The following NELL1 variants were observed in gnomAD, a reference collection of about 807,000 sequenced individuals.
The protein encoded by NELL1 is protein kinase C-binding protein NELL1.
A neutral mutation model predicts 107.4 loss-of-function variants in NELL1; 76 were observed. The observed-to-expected ratio is 0.71, with a 90% CI of 0.59 to 0.86. The LOEUF (loss-of-function observed/expected upper bound fraction) is 0.86, where lower values mean the gene tolerates loss of function less well. Among genes scored for constraint, NELL1 ranks in the 40% least tolerant of loss-of-function variants. The pLI is 0.00. For synonymous variants in NELL1, 353 were observed against 341.2 expected (o/e 1.03, Z -0.38); for missense variants, 1,024 against 1,005.5 (o/e 1.02, Z -0.25).
At chr11:20,831,485 A>C (rs1858007988) in intron 3 of NELL1, among the ~76,000 whole-genome samples, 1 of 152,218 alleles carries the variant, frequency 6.6e-6, no homozygotes, top group Non-Finnish European at 1.5e-5. Flanking sequence ...AAGCTCTTTC[A>C]GCTCTTAGTG....
chr11:20,857,624 G>A (rs561227134), intron 4 of NELL1, among the ~76,000 whole-genome samples: 1 of 152,344 alleles, frequency 6.6e-6, no homozygotes, highest in East Asian at 1.9e-4. Context: ...CACCGGCAGA[G>A]TTGGATGGGT....
chr11:20,953,904 T>C (rs926865105), intron 11 of NELL1, among the ~76,000 whole-genome samples: 2 of 152,226 alleles, frequency 1.3e-5, no homozygotes, highest in African/African-American at 4.8e-5. Flanking sequence ...GAATGTAGGA[T>C]GAATGCGGAC....
At chr11:21,367,663 G>A (rs1004441560) in intron 14 of NELL1, among the ~76,000 whole-genome samples, 1 of 152,046 alleles carries the variant, frequency 6.6e-6, no homozygotes, top group Non-Finnish European at 1.5e-5. Context: ...GCCTTATGCT[G>A]TGTGGGTATA....
At chr11:21,203,246 G>T (rs1163271561) in intron 13 of NELL1, among the ~76,000 whole-genome samples, 1 of 152,116 alleles carries the variant, frequency 6.6e-6, no homozygotes, top group Non-Finnish European at 1.5e-5. Flanking sequence ...CTATTATTGG[G>T]TGGGAGTCTA....
intron 2 of NELL1, among the ~76,000 whole-genome samples, chr11:20,725,388 A>G (rs1051303337): frequency 1.3e-5 from 2 of 152,200 alleles, no homozygotes; most frequent in African/African-American, 4.8e-5. Context: ...GTAGGTGAGG[A>G]ACCATCAGAG....
At chr11:20,676,972 G>T (rs957003062) in intron 1 of NELL1, among the ~76,000 whole-genome samples, 1 of 152,182 alleles carries the variant, frequency 6.6e-6, no homozygotes, top group Non-Finnish European at 1.5e-5. Context: ...ACATATAGTT[G>T]GAAATCACTT....
chr11:20,858,992 T>C (rs998332675), intron 4 of NELL1, among the ~76,000 whole-genome samples: 1 of 152,178 alleles, frequency 6.6e-6, no homozygotes, highest in African/African-American at 2.4e-5. Context: ...AGATGAAAAA[T>C]TAGCCTGCAT....
chr11:20,844,241 C>G (rs1848667422), intron 3 of NELL1, among the ~76,000 whole-genome samples: 1 of 152,122 alleles, frequency 6.6e-6, no homozygotes, highest in South Asian at 2.1e-4. Flanking sequence ...AGGAAGAAGG[C>G]AGAATCCTTG....
chr11:20,784,420 G>A (rs1856913612), intron 3 of NELL1, among the ~76,000 whole-genome samples: 1 of 152,206 alleles, frequency 6.6e-6, no homozygotes, highest in African/African-American at 2.4e-5. Context: ...ATGCGAAGGA[G>A]TAAGGGATGG....
At chr11:20,755,094 C>G (rs1047773827) in intron 2 of NELL1, among the ~76,000 whole-genome samples, 1 of 152,290 alleles carries the variant, frequency 6.6e-6, no homozygotes, top group Non-Finnish European at 1.5e-5. Context: ...CGTTTCTGCT[C>G]CCTCCTTTTC....
chr11:20,952,176 G>A (rs1851082455), intron 11 of NELL1, among the ~76,000 whole-genome samples: 1 of 152,086 alleles, frequency 6.6e-6, no homozygotes, highest in East Asian at 1.9e-4. Flanking sequence ...TATTCCCCTG[G>A]TAATCAGCTC....
At chr11:21,481,679 G>A (rs1469028379) in intron 15 of NELL1, among the ~76,000 whole-genome samples, 1 of 152,206 alleles carries the variant, frequency 6.6e-6, no homozygotes, top group Non-Finnish European at 1.5e-5. Context: ...ACATTGTTGA[G>A]ACTGCTGTGC....
At chr11:20,962,854 T>C (rs937120628) in intron 12 of NELL1, among the ~76,000 whole-genome samples, 1 of 152,152 alleles carries the variant, frequency 6.6e-6, no homozygotes, top group Non-Finnish European at 1.5e-5. Flanking sequence ...AGACTTTCCA[T>C]AAGCTCCAGG....
At chr11:20,811,426 A>AT (rs546548158) in intron 3 of NELL1, among the ~76,000 whole-genome samples, 26 of 151,734 alleles carry the variant, frequency 1.7e-4, no homozygotes, top group African/African-American at 6.3e-4. Flanking sequence ...GCTATTTGAG[A>AT]TTTTTTGAGG....
At chr11:20,928,285 T>C (rs1261679155) in intron 8 of NELL1, 92 bp from the exon 9 acceptor site, 1 of 1,139,476 alleles carries the variant, frequency 8.8e-7, no homozygotes, top group East Asian at 2.4e-5. Context: ...GTTTCCCTGA[T>C]GAGGTTTCTG....
chr11:20,921,970 G>C (rs886724438), intron 7 of NELL1, among the ~76,000 whole-genome samples: 8 of 152,054 alleles, frequency 5.3e-5, no homozygotes, highest in African/African-American at 1.9e-4. Flanking sequence ...GAAGTCTCAG[G>C]AAAGGATTCT....
intron 3 of NELL1, among the ~76,000 whole-genome samples, chr11:20,837,039 A>G (rs1837890230): frequency 6.6e-6 from 1 of 152,132 alleles, no homozygotes; most frequent in Non-Finnish European, 1.5e-5. Flanking sequence ...AAATGTGTGA[A>G]ATAACCTCAA....
chr11:20,884,775 A>G (rs1482407076), intron 4 of NELL1, among the ~76,000 whole-genome samples: 1 of 152,188 alleles, frequency 6.6e-6, no homozygotes, highest in Non-Finnish European at 1.5e-5. Context: ...CTTTTCCTCC[A>G]TGAGAGTGGG....
intron 5 of NELL1, among the ~76,000 whole-genome samples, chr11:20,917,734 G>C (rs1019058137): frequency 1.3e-5 from 2 of 152,082 alleles, no homozygotes; most frequent in South Asian, 2.1e-4. Flanking sequence ...AGCAAGGATT[G>C]TTATGGAATT....
Sources: gnomAD v4.1 joint callset for allele counts (sites outside exome capture counted in the v4.1 genomes callset) on GRCh38, gnomAD v4.1.1 for gene constraint, MANE v1.5 for transcripts, NCBI Gene and HGNC (gene_info 2026-07-23, HGNC 2026-07-21) for gene names.